The following PTPRZ1 variants were observed in gnomAD, a reference collection of about 807,000 sequenced individuals.
PTPRZ1 encodes protein tyrosine phosphatase receptor type Z1.
A neutral mutation model predicts 214.1 loss-of-function variants in PTPRZ1; 82 were observed. The observed-to-expected ratio is 0.38, with a 90% confidence interval of 0.32 to 0.46. The LOEUF (loss-of-function observed/expected upper bound fraction) is 0.46, where lower values mean the gene tolerates loss of function less well. PTPRZ1 is among the 20% of genes least tolerant of loss of function. The pLI is 1.00. For missense variants in PTPRZ1, 2,603 were observed against 2,748.7 expected (o/e 0.95, Z 1.19); for synonymous variants, 945 against 987.9 (o/e 0.96, Z 0.81).
At chr7:121,990,702 C>T (rs997397185) in intron 8 of PTPRZ1, among the ~76,000 whole-genome samples, 4 of 151,634 alleles carry the variant, frequency 2.6e-5, no homozygotes, top group Admixed American at 1.3e-4. Context: ...GTATTTTTAG[C>T]AGAGACGGGG....
chr7:122,058,998 A>G, intron 28 of PTPRZ1, 56 bp downstream of exon 28: 1 of 1,458,950 alleles, frequency 6.9e-7, no homozygotes, highest in African/African-American at 1.4e-5. Flanking sequence ...GCATATGTAT[A>G]TTTCTGTTGT....
chr7:121,993,245 A>G (rs918788533), intron 8 of PTPRZ1, among the ~76,000 whole-genome samples: 1 of 152,114 alleles, frequency 6.6e-6, no homozygotes, highest in African/African-American at 2.4e-5. Flanking sequence ...CAGAGTAGGT[A>G]TGCTTCTAAT....
intron 1 of PTPRZ1, among the ~76,000 whole-genome samples, chr7:121,917,592 G>A (rs760576145): frequency 1.3e-5 from 2 of 152,020 alleles, no homozygotes; most frequent in Non-Finnish European, 2.9e-5. Flanking sequence ...GATAATTGTC[G>A]TTATAAGCAC....
Position 122,036,609 on chromosome 7 carries a change from G to T in PTPRZ1, c.5294G>T (p.Ser1765Ile). The change falls in exon 18 of 30, where the codon AGC becomes ATC. Residue 1765 changes from serine (S) to isoleucine (I), a missense_variant. Transcript: ENST00000393386. ...RYINIVAYDH[S>I]RVKLAQLAEK... is the part of the protein sequence containing the mutation. ...TCTCTTTATATTACAGATGATCATA[G>T]CAGGGTTAAGCTAGCACAGCTTGCT... The T allele has an allele frequency of 6.3e-7, 1 of 1,597,812 alleles. No individual in the cohort carries two copies. The highest frequency in any genetic ancestry group is 8.6e-7 in the Non-Finnish European group (1 of 1,165,384).
rs1326748472 is a variant in PTPRZ1 at position 121,909,114 on chromosome 7, G to A, written c.59-19042G>A. ...AGTATAATGGCACAACACAATACAT[G>A]CCTTAAAAAACTGGAGGACAAAGTT... On this transcript the variant is annotated intron_variant, in intron 1 of 29. Coordinates refer to ENST00000393386, the MANE Select transcript of PTPRZ1 (RefSeq NM_002851.3). 2.6e-5 allele frequency among the ~76,000 whole-genome samples: 4 copies of A among 152,272 alleles called. No individual in the cohort carries two copies. In the East Asian group the frequency reaches 7.7e-4, roughly 29 times the overall value.
chr7:122,021,310 A>G (rs575419587), intron 13 of PTPRZ1, among the ~76,000 whole-genome samples: 3 of 152,306 alleles, frequency 2.0e-5, no homozygotes, highest in African/African-American at 7.2e-5. Flanking sequence ...TTTCATCTGC[A>G]TTATATGGGG....
rs373303483 is a variant in PTPRZ1 at position 122,058,920 on chromosome 7, G to A, written c.6649G>A (p.Gly2217Arg). The A allele has an allele frequency of 1.6e-5, 26 of 1,590,452 alleles. No individual in the cohort carries two copies. Among genetic ancestry groups the A allele is most frequent in the Non-Finnish European group, 2.2e-5 (26 of 1,158,956 alleles). ...AAAAGAAGAAGCTGCCAATAGGGAT[G>A]GGCCTATGATTGTTCATGATGAGTA... ...VIKEEAANRDGPMIVHDEHGG... is the reference protein window; with the variant it reads ...VIKEEAANRDRPMIVHDEHGG... The change falls in exon 28 of 30, where the codon GGG becomes AGG. Residue 2217 changes from glycine (G) to arginine (R), a missense_variant. Around this residue, in one of 6 missense-constraint regions of PTPRZ1, gnomAD observed 165 missense variants for 151.4 expected, o/e 1.09. Coordinates refer to ENST00000393386, the MANE Select transcript of PTPRZ1 (RefSeq NM_002851.3).
At position 122,055,091 on chromosome 7, in the gene PTPRZ1, A is replaced by T; in HGVS notation, c.6528+4A>T. ...CTTTATCTTAGAAGCTACACAGGTA[A>T]GGATATAAGTTAAATGACAAACTTT... is the stretch of plus-strand genomic sequence containing the variant. On this transcript the variant is annotated splice_donor_region_variant and intron_variant, in intron 27 of 29. Transcript: ENST00000393386. 6.5e-7 allele frequency: 1 copy of T among 1,541,010 alleles called. No individual in the cohort carries two copies. Among genetic ancestry groups the T allele is most frequent in the Middle Eastern group, 1.7e-4 (1 of 5,776 alleles).
At chr7:121,928,128 CTGAT>C in intron 1 of PTPRZ1, 24 bp from the exon 2 acceptor site, 1 of 1,527,810 alleles carries the variant, frequency 6.5e-7, no homozygotes, top group Non-Finnish European at 9.0e-7. Context: ...TTTCTACATA[CTGAT>C]TACTTGGTTT....
At chr7:121,886,660 G>A (rs964834331) in intron 1 of PTPRZ1, among the ~76,000 whole-genome samples, 2 of 152,016 alleles carry the variant, frequency 1.3e-5, no homozygotes, top group Non-Finnish European at 2.9e-5. Flanking sequence ...CAAGTTTATA[G>A]CAATGACTGT....
intron 12 of PTPRZ1, among the ~76,000 whole-genome samples, chr7:122,014,652 A>T (rs1484422176): frequency 6.6e-6 from 1 of 151,990 alleles, no homozygotes; most frequent in Admixed American, 6.6e-5. Flanking sequence ...GTTAGCCAGG[A>T]TGGTCTTGAT....
chr7:122,056,160 C>T (rs1454519184), intron 27 of PTPRZ1, among the ~76,000 whole-genome samples: 1 of 151,830 alleles, frequency 6.6e-6, no homozygotes, highest in Non-Finnish European at 1.5e-5. Context: ...ATCTCTCATG[C>T]CTTCTCATTA....
At chr7:122,034,205 T>C (rs1799468536) in intron 16 of PTPRZ1, 77 bp from the exon 17 acceptor site, 5 of 1,567,374 alleles carry the variant, frequency 3.2e-6, no homozygotes, top group Non-Finnish European at 4.4e-6. Context: ...TTGTTTGTTT[T>C]GTCTTCGTTA....
At chr7:121,917,337 T>C (rs1358507856) in intron 1 of PTPRZ1, among the ~76,000 whole-genome samples, 1 of 152,114 alleles carries the variant, frequency 6.6e-6, no homozygotes, top group African/African-American at 2.4e-5. Flanking sequence ...AGTGGGGAAA[T>C]GGTTCACCCT....
intron 20 of PTPRZ1, among the ~76,000 whole-genome samples, chr7:122,040,436 T>G (rs1459642521): frequency 6.6e-6 from 1 of 152,206 alleles, no homozygotes; most frequent in Non-Finnish European, 1.5e-5. Context: ...TCAGGTAACC[T>G]ATCCTATCAG....
rs190573296 is a variant in PTPRZ1 at position 121,882,923 on chromosome 7, G to A, written c.58+9366G>A. Among the ~76,000 whole-genome samples the A allele has an allele frequency of 1.1e-3, 160 of 152,316 alleles. 1 individual carries two copies. Among genetic ancestry groups the A allele is most frequent in the Non-Finnish European group, 3.1e-4 (21 of 68,034 alleles). On this transcript the variant is annotated intron_variant, in intron 1 of 29. Coordinates refer to ENST00000393386, the MANE Select transcript of PTPRZ1 (RefSeq NM_002851.3). ...GTAGGACATTGTGCCATTCTCTGGA[G>A]TGAGTCACTGGTGATCCTTAAGGGA...
At chr7:121,994,999 A>G (rs1389643437) in intron 8 of PTPRZ1, among the ~76,000 whole-genome samples, 2 of 152,124 alleles carry the variant, frequency 1.3e-5, no homozygotes, top group Non-Finnish European at 2.9e-5. Context: ...ATATATATTC[A>G]TATTTCCTAA....
Position 121,949,456 on chromosome 7 carries a change from GAA to G in PTPRZ1, c.125-18492_125-18491del, listed in dbSNP as rs371789591. ...AGTTGAAGGCATGTTTTATAGCCTA[GAA>G]AACTCATCTATATTATCATATTTTG... On this transcript the variant is annotated intron_variant, in intron 2 of 29. Coordinates refer to ENST00000393386, the MANE Select transcript of PTPRZ1 (RefSeq NM_002851.3). Among the ~76,000 whole-genome samples, 384 of 152,228 alleles carry G rather than the reference GAA, an allele frequency of 2.5e-3. 4 individuals carry two copies. The highest frequency in any genetic ancestry group is 8.6e-3 in the African/African-American group (359 of 41,536).
intron 8 of PTPRZ1, among the ~76,000 whole-genome samples, chr7:121,985,402 T>C (rs985498577): frequency 1.3e-5 from 2 of 152,232 alleles, no homozygotes; most frequent in African/African-American, 4.8e-5. Flanking sequence ...CCTTCACTGG[T>C]TCTGCATCAC....
Sources: gnomAD v4.1 joint callset for allele counts (sites outside exome capture counted in the v4.1 genomes callset) on GRCh38, gnomAD v4.1.1 for gene constraint, gnomAD v4.1.1 regional missense constraint, MANE v1.5 for transcripts, NCBI Gene and HGNC (gene_info 2026-07-23, HGNC 2026-07-21) for gene names.